UBR4: variants seen among roughly 807,000 people sequenced by gnomAD.
UBR4 encodes the protein E3 ubiquitin-protein ligase UBR4.
Under a neutral mutation model 575.6 loss-of-function variants are expected in UBR4, and 124 were observed. That is an observed-to-expected ratio of 0.22 (90% CI 0.19 to 0.25). The LOEUF is 0.25. Among genes scored for constraint, UBR4 ranks in the 10% least tolerant of loss-of-function variants. UBR4 has a pLI of 1.00. For synonymous variants in UBR4, 2,455 were observed against 2,473.7 expected (o/e 0.99, Z 0.22); for missense variants, 4,818 against 6,478.8 (o/e 0.74, Z 8.80).
intron 14 of UBR4, among the ~76,000 whole-genome samples, chr1:19,185,576 T>C (rs942966520): frequency 5.9e-5 from 7 of 117,756 alleles, no homozygotes; most frequent in African/African-American, 1.1e-4. Context: ...CTTTTTTCTT[T>C]TTTTTTTTTT....
rs375584100 is a variant in UBR4 at position 19,118,849 on chromosome 1, G to A, written c.10541+23C>T. 28 of 1,613,098 alleles carry A rather than the reference G, an allele frequency of 1.7e-5. No individual in the cohort carries two copies. In the African/African-American group the frequency reaches 3.6e-4, roughly 21 times the overall value. ...AGAATGCTGACTGAGCTTCCCACAG[G>A]TAGAAAGCAAAACAAAGCTCACTTA... On this transcript the variant is annotated intron_variant, in intron 71 of 105. Coordinates refer to ENST00000375254, the MANE Select transcript of UBR4 (RefSeq NM_020765.3).
Position 19,088,054 on chromosome 1 carries a change from A to C in UBR4, c.14431-125T>G. ...CTAAAAGGACAGGTGCATGAGAGGAAAGCCCTTGAGCTGTCTTCTAATAAG... is the reference window on the plus strand; with the variant it reads ...CTAAAAGGACAGGTGCATGAGAGGACAGCCCTTGAGCTGTCTTCTAATAAG... On this transcript the variant is annotated intron_variant, in intron 98 of 105. Coordinates refer to ENST00000375254, the MANE Select transcript of UBR4 (RefSeq NM_020765.3). The surrounding 1 kb of genome is among the most constrained non-coding windows in gnomAD (Gnocchi z 4.0). The C allele has an allele frequency of 1.4e-6, 1 of 697,810 alleles. No homozygotes were observed. Among genetic ancestry groups the C allele is most frequent in the African/African-American group, 1.8e-5 (1 of 56,530 alleles). 43.2% of individuals were successfully genotyped at this position (697,810 alleles called of 1,614,324 possible). A position where few individuals can be genotyped will look rare whatever the true frequency, so the allele number is the denominator to read the frequency against.
At chr1:19,196,677 AG>A (rs1197503889) in intron 8 of UBR4, among the ~76,000 whole-genome samples, 5 of 152,196 alleles carry the variant, frequency 3.3e-5, no homozygotes, top group African/African-American at 7.2e-5. Flanking sequence ...TGTTCCACGA[AG>A]CCTTCTTCAA....
intron 81 of UBR4, among the ~76,000 whole-genome samples, chr1:19,109,181 A>C (rs989787455): frequency 6.6e-6 from 1 of 152,236 alleles, no homozygotes; most frequent in African/African-American, 2.4e-5. Context: ...CAGACAGAAC[A>C]GGAGTCAGAA....
At chr1:19,131,848 G>A (rs1031401044) in intron 60 of UBR4, among the ~76,000 whole-genome samples, 2 of 152,098 alleles carry the variant, frequency 1.3e-5, no homozygotes, top group Non-Finnish European at 2.9e-5. Flanking sequence ...ACTCCAGCCT[G>A]GGCAACAAGA....
At chr1:19,165,514 C>T in intron 30 of UBR4, 142 bp downstream of exon 30, 2 of 1,042,884 alleles carry the variant, frequency 1.9e-6, no homozygotes, top group Non-Finnish European at 2.8e-6. Context: ...CCCAAGGAGT[C>T]AGCAATTAAC....
chr1:19,078,326 A>G (rs916455616), intron 103 of UBR4: 26 of 390,188 alleles, frequency 6.7e-5, no homozygotes, highest in Non-Finnish European at 1.1e-4. Flanking sequence ...TCAGGGTAAA[A>G]TGGAACCGGG....
rs1480526526 is a variant in UBR4, at chr1:19,086,185, G to A, written c.14773C>T (p.Pro4925Ser). 2 of 1,613,970 alleles carry A rather than the reference G, an allele frequency of 1.2e-6. No individual in the cohort carries two copies. Residue 4925 changes from proline (P) to serine (S), a missense_variant, in exon 101 of 106, where the codon CCT (proline) becomes TCT (serine). Transcript: ENST00000375254. ...GCAAAAGCTGATTCAGGGACATGAG[G>A]TCCCCAGACCGGAAGGAGCCCGTTG... is the stretch of plus-strand genomic sequence containing the variant. ...KCNGLLPVWG[P>S]HVPESAFATC...
rs368226015 is a variant in UBR4 at position 19,167,213 on chromosome 1, G to A, written c.3918C>T (p.Asn1306=). 2.5e-6 allele frequency: 4 copies of A among 1,614,070 alleles called. No individual in the cohort carries two copies. The African/African-American group carries it at 5.3e-5, about 22-fold the overall frequency. The part of the protein sequence containing the change: ...GDLIVWSDEM[N]PPQVIRTLLP... Reference sequence around the variant, plus strand: ...GCAGTGTCCGAATTACCTGTGGTGGGTTCATCTCATCTGACCAACTTCAGC... The same window carrying A: ...GCAGTGTCCGAATTACCTGTGGTGGATTCATCTCATCTGACCAACTTCAGC... Residue 1306 remains asparagine, a synonymous_variant, in exon 29 of 106, where the codon AAC becomes AAT. Transcript: ENST00000375254.
In UBR4 at chr1:19,092,902, A is replaced by T; in HGVS notation, c.14128T>A (p.Trp4710Arg). The T allele has an allele frequency of 1.9e-6, 3 of 1,613,444 alleles. No homozygotes were observed. The highest frequency in any genetic ancestry group is 2.5e-6 in the Non-Finnish European group (3 of 1,179,834). The change falls in exon 97 of 106, where the codon TGG becomes AGG. Residue 4710 changes from tryptophan to arginine, a missense_variant. By Grantham distance (101) the Trp-to-Arg change is moderately radical. Coordinates refer to ENST00000375254, the MANE Select transcript of UBR4 (RefSeq NM_020765.3). The stretch of plus-strand genomic sequence containing the variant: ...GCTGGGCGAGACAAAAACTTTTTCC[A>T]GATGTCGGCATCCAAACTGCAAAGC... ...PSAKNLDADI[W>R]KKFLSRPALP...
intron 44 of UBR4, 84 bp from the exon 45 acceptor site, chr1:19,154,023 T>C: frequency 6.8e-7 from 1 of 1,461,996 alleles, no homozygotes. Flanking sequence ...ATCCTCTAAC[T>C]GGCTACGTGA....
In UBR4 at chr1:19,168,106, A is replaced by T. The variant is rs777519470; in HGVS notation, c.3820T>A (p.Cys1274Ser). The change falls in exon 28 of 106, where the codon TGT becomes AGT. Residue 1274 changes from cysteine to serine, a missense_variant. Around this residue, in one of 29 missense-constraint regions of UBR4, gnomAD observed 1,172 missense variants for 1,259.7 expected, o/e 0.93. Coordinates refer to ENST00000375254, the MANE Select transcript of UBR4 (RefSeq NM_020765.3). Reference sequence around the variant, plus strand: ...GCAGCCAGGGGCAGACTTTGGCTACAGAGAGTCCCCAGGTGTGCAGCCTGC... The same window carrying T: ...GCAGCCAGGGGCAGACTTTGGCTACTGAGAGTCCCCAGGTGTGCAGCCTGC... ...AVQAAHLGTL[C>S]SQSLPLAASL... The T allele has an allele frequency of 3.7e-6, 6 of 1,613,870 alleles. No individual in the cohort carries two copies. The highest frequency in any genetic ancestry group is 1.7e-6 in the Non-Finnish European group (2 of 1,179,764).
Position 19,210,067 on chromosome 1 carries a change from C to G in UBR4, c.176+6G>C. 1 of 1,548,758 alleles carries G rather than the reference C, an allele frequency of 6.5e-7. No individual in the cohort carries two copies. The highest frequency in any genetic ancestry group is 8.7e-7 in the Non-Finnish European group (1 of 1,149,248). Reference sequence around the variant, plus strand: ...AGCGTCGCCCGCCAGAGCCGCCGCCCGGTACCTCTCGATGACTGAGGCCAC... The same window carrying G: ...AGCGTCGCCCGCCAGAGCCGCCGCCGGGTACCTCTCGATGACTGAGGCCAC... On this transcript the variant is annotated splice_donor_region_variant and intron_variant, in intron 1 of 105. Transcript: ENST00000375254.
In UBR4 at chr1:19,210,194, G is replaced by A; in HGVS notation, c.55C>T (p.Pro19Ser). ...AAAAAPAPGT[P>S]ATGADTTPGW... Reference sequence around the variant, plus strand: ...GGGGTCGTGTCCGCCCCCGTTGCCGGGGTCCCCGGCGCCGGAGCCGCTGCC... The same window carrying A: ...GGGGTCGTGTCCGCCCCCGTTGCCGAGGTCCCCGGCGCCGGAGCCGCTGCC... Residue 19 changes from proline (P) to serine (S), a missense_variant, in exon 1 of 106, where the codon CCG becomes TCG. By Grantham distance (74) the Pro-to-Ser change is moderately conservative (BLOSUM62 -1). Around this residue, in one of 29 missense-constraint regions of UBR4, gnomAD observed 95 missense variants for 87.7 expected, o/e 1.08. Transcript: ENST00000375254. The A allele has an allele frequency of 6.8e-7, 1 of 1,481,418 alleles. No homozygotes were observed. The highest frequency in any genetic ancestry group is 8.9e-7 in the Non-Finnish European group (1 of 1,121,044). 91.8% of individuals were successfully genotyped at this position (1,481,418 alleles called of 1,614,324 possible). A position where few individuals can be genotyped will look rare whatever the true frequency, so the allele number is the denominator to read the frequency against.
At chr1:19,158,128 C>T in intron 39 of UBR4, 131 bp from the exon 40 acceptor site, 2 of 855,596 alleles carry the variant, frequency 2.3e-6, no homozygotes, top group Non-Finnish European at 3.6e-6. Flanking sequence ...GGCCTCCAAA[C>T]CGTGGATGGC....
At chr1:19,077,657 C>T (rs1289541111) in intron 104 of UBR4, 36 of 846,812 alleles carry the variant, frequency 4.3e-5, no homozygotes, top group Non-Finnish European at 5.3e-5. Flanking sequence ...CACTTGAACC[C>T]GGGATGCAGA....
chr1:19,195,251 C>T (rs979020352), intron 8 of UBR4, among the ~76,000 whole-genome samples: 1 of 124,690 alleles, frequency 8.0e-6, no homozygotes, highest in Non-Finnish European at 1.6e-5. Flanking sequence ...GGCGACTGAG[C>T]GAGACTCCAT....
chr1:19,125,986 T>C (rs926853257), intron 64 of UBR4, among the ~76,000 whole-genome samples: 2 of 152,172 alleles, frequency 1.3e-5, no homozygotes, highest in Non-Finnish European at 2.9e-5. Flanking sequence ...TTAGGGAGGT[T>C]AGACAGACAG....
intron 59 of UBR4, among the ~76,000 whole-genome samples, chr1:19,138,796 G>A (rs2083478580): frequency 2.0e-5 from 3 of 151,756 alleles, no homozygotes; most frequent in Non-Finnish European, 4.4e-5. Context: ...GTTTCAGAGA[G>A]GAAAAAAAAG....
Sources: allele counts gnomAD v4.1 joint callset (sites outside exome capture counted in the v4.1 genomes callset), GRCh38; gene constraint gnomAD v4.1.1; regional missense constraint gnomAD v4.1.1; non-coding constraint Gnocchi (gnomAD v3.1); transcripts MANE v1.5; gene names NCBI Gene and HGNC (gene_info 2026-07-23, HGNC 2026-07-21).